ATRNL1: variants seen among roughly 807,000 people sequenced by gnomAD.
ATRNL1 encodes the protein attractin like 1.
ATRNL1 carries 95 observed loss-of-function variants against 182.7 expected under a neutral mutation model. The ratio of observed to expected loss-of-function variants is 0.52; its 90% confidence interval spans 0.44 to 0.62. The LOEUF is 0.62. Among genes scored for constraint, ATRNL1 ranks in the 20% least tolerant of loss-of-function variants. The pLI is 0.00. For synonymous variants in ATRNL1, 576 were observed against 568.3 expected (o/e 1.01, Z -0.19); for missense variants, 1,471 against 1,679.5 (o/e 0.88, Z 2.17).
intron 27 of ATRNL1, among the ~76,000 whole-genome samples, chr10:115,799,100 C>A (rs1274137466): frequency 1.3e-5 from 2 of 152,134 alleles, no homozygotes; most frequent in Admixed American, 1.3e-4. Context: ...ACTGGGATTA[C>A]AGGCGTGAGA....
intron 25 of ATRNL1, among the ~76,000 whole-genome samples, chr10:115,534,955 T>C (rs1554989734): frequency 6.6e-6 from 1 of 152,256 alleles, no homozygotes; most frequent in Non-Finnish European, 1.5e-5. Context: ...TTCTGGCTTG[T>C]AGAGTTTCTG....
intron 1 of ATRNL1, among the ~76,000 whole-genome samples, chr10:115,109,766 A>G (rs782739734): frequency 1.8e-4 from 27 of 152,184 alleles, no homozygotes; most frequent in Non-Finnish European, 3.4e-4. Flanking sequence ...GAGGCAATCA[A>G]CTTGTTTTGG....
chr10:115,441,048 C>G (rs1846653212), intron 21 of ATRNL1, among the ~76,000 whole-genome samples: 1 of 151,788 alleles, frequency 6.6e-6, no homozygotes, highest in Admixed American at 6.6e-5. Flanking sequence ...CTTATTTTCT[C>G]TGCCTTTAGT....
intron 10 of ATRNL1, among the ~76,000 whole-genome samples, chr10:115,259,032 A>G (rs1352729707): frequency 2.0e-5 from 3 of 152,182 alleles, no homozygotes; most frequent in Non-Finnish European, 4.4e-5. Flanking sequence ...GGTGTCGGTC[A>G]GCCCCTACTG....
chr10:115,507,811 G>T (rs1243003036), intron 24 of ATRNL1, among the ~76,000 whole-genome samples: 1 of 151,986 alleles, frequency 6.6e-6, no homozygotes, highest in Non-Finnish European at 1.5e-5. Context: ...ACAAAATCCA[G>T]AACTGGTAGG....
intron 25 of ATRNL1, among the ~76,000 whole-genome samples, chr10:115,536,851 A>T (rs1337366981): frequency 1.3e-5 from 2 of 152,230 alleles, no homozygotes; most frequent in Admixed American, 6.5e-5. Flanking sequence ...AAAAAGGTGA[A>T]CCTAATTTAG....
chr10:115,889,775 A>G (rs1952035794), intron 28 of ATRNL1, among the ~76,000 whole-genome samples: 1 of 152,330 alleles, frequency 6.6e-6, no homozygotes, highest in East Asian at 1.9e-4. Flanking sequence ...AACCCTGAGA[A>G]TGAGCGCATA....
At chr10:115,847,648 C>T (rs1950960615) in intron 27 of ATRNL1, among the ~76,000 whole-genome samples, 1 of 152,096 alleles carries the variant, frequency 6.6e-6, no homozygotes, top group African/African-American at 2.4e-5. Flanking sequence ...AGTTGCATAA[C>T]TTTGTGGCTC....
At chr10:115,246,285 G>A (rs1554904071) in intron 10 of ATRNL1, among the ~76,000 whole-genome samples, 1 of 152,044 alleles carries the variant, frequency 6.6e-6, no homozygotes, top group Non-Finnish European at 1.5e-5. Context: ...TCTACATTCA[G>A]AGTCCTTTTG....
rs1285999039 is a variant in ATRNL1 at position 115,663,102 on chromosome 10, G to GTT, written c.3796-64145_3796-64144dup. Among the ~76,000 whole-genome samples, 5 of 152,028 alleles carry GTT rather than the reference G, an allele frequency of 3.3e-5. 1 individual carries two copies. The highest frequency in any genetic ancestry group is 1.2e-4 in the African/African-American group (5 of 41,488). On this transcript the variant is annotated intron_variant, in intron 26 of 28. Transcript: ENST00000355044. ...AAAACTCGTTTTCTCTTTGTAACTG[G>GTT]TTAGTATATGCCAAGGCCTGTGTTA...
At chr10:115,531,220 T>C (rs1210117476) in intron 25 of ATRNL1, among the ~76,000 whole-genome samples, 1 of 152,022 alleles carries the variant, frequency 6.6e-6, no homozygotes, top group East Asian at 1.9e-4. Flanking sequence ...TCCACAATGG[T>C]TGAACTAGTT....
chr10:115,313,460 G>C (rs1329893754), intron 17 of ATRNL1, among the ~76,000 whole-genome samples: 1 of 152,168 alleles, frequency 6.6e-6, no homozygotes, highest in Non-Finnish European at 1.5e-5. Context: ...GGTTGTAGTA[G>C]TGATGTGCTC....
At chr10:115,230,913 G>GAGAGAGAGAGAGAGAGAA (rs1849914042) in intron 9 of ATRNL1, among the ~76,000 whole-genome samples, 1 of 117,668 alleles carries the variant, frequency 8.5e-6, no homozygotes, top group African/African-American at 3.5e-5. Flanking sequence ...GAGAGAGAGA[G>GAGAGAGAGAGAGAGAGAA]AGAGAGAGAA....
intron 26 of ATRNL1, among the ~76,000 whole-genome samples, chr10:115,684,214 AT>A (rs565120022): frequency 7.3e-5 from 11 of 150,994 alleles, no homozygotes; most frequent in East Asian, 1.9e-4. Flanking sequence ...CTTTTTGTTA[AT>A]TTTTTTTAGT....
At chr10:115,156,675 A>G (rs1846533602) in intron 5 of ATRNL1, among the ~76,000 whole-genome samples, 1 of 152,132 alleles carries the variant, frequency 6.6e-6, no homozygotes, top group Non-Finnish European at 1.5e-5. Context: ...TCTTTTTGAA[A>G]TTGCACTATA....
chr10:115,755,429 A>G (rs912113673), intron 27 of ATRNL1, among the ~76,000 whole-genome samples: 5 of 152,168 alleles, frequency 3.3e-5, no homozygotes, highest in Admixed American at 3.3e-4. Flanking sequence ...TGAGATAATC[A>G]TGTGGTTTTT....
intron 10 of ATRNL1, among the ~76,000 whole-genome samples, chr10:115,246,917 A>C (rs1461658529): frequency 6.6e-6 from 1 of 152,174 alleles, no homozygotes; most frequent in Non-Finnish European, 1.5e-5. Context: ...TGAATACAAA[A>C]ATTACTGAAT....
At chr10:115,191,208 AT>A (rs1323823116) in intron 8 of ATRNL1, among the ~76,000 whole-genome samples, 1 of 151,954 alleles carries the variant, frequency 6.6e-6, no homozygotes, top group South Asian at 2.1e-4. Flanking sequence ...TGATATACAG[AT>A]TTTCTTTCTT....
intron 26 of ATRNL1, among the ~76,000 whole-genome samples, chr10:115,630,682 T>A (rs1197590535): frequency 6.7e-6 from 1 of 148,348 alleles, no homozygotes; most frequent in African/African-American, 2.4e-5. Flanking sequence ...ACAAATTTAG[T>A]ATTTATATAT....
Sources: allele counts gnomAD v4.1 joint callset (sites outside exome capture counted in the v4.1 genomes callset), GRCh38; gene constraint gnomAD v4.1.1; transcripts MANE v1.5; gene names NCBI Gene and HGNC (gene_info 2026-07-23, HGNC 2026-07-21).